Variants in VAV3 observed in about 807,000 individuals in gnomAD.
VAV3 encodes the protein guanine nucleotide exchange factor VAV3.
Under a neutral mutation model 131.2 loss-of-function variants are expected in VAV3, and 94 were observed. The observed-to-expected ratio is 0.72, with a 90% CI of 0.61 to 0.85. The LOEUF is 0.85. Among genes scored for constraint, VAV3 ranks in the 40% least tolerant of loss-of-function variants. The pLI, the probability that VAV3 is intolerant of heterozygous loss-of-function variation, is 0.00. For synonymous variants in VAV3, 349 were observed against 342.0 expected (o/e 1.02, Z -0.22); for missense variants, 939 against 1,002.7 (o/e 0.94, Z 0.86).
chr1:107,650,013 A>C (rs943033872), intron 19 of VAV3, among the ~76,000 whole-genome samples: 2 of 152,028 alleles, frequency 1.3e-5, no homozygotes, highest in African/African-American at 4.8e-5. Context: ...TGCTTTATTT[A>C]AGGGTAGGCC....
At chr1:107,918,893 G>C (rs1295518753) in intron 1 of VAV3, among the ~76,000 whole-genome samples, 1 of 151,576 alleles carries the variant, frequency 6.6e-6, no homozygotes, top group Admixed American at 6.6e-5. Flanking sequence ...TTTTAGTAGA[G>C]ACAGGGTTTC....
At chr1:107,739,402 C>G (rs1006524463) in intron 15 of VAV3, among the ~76,000 whole-genome samples, 8 of 152,110 alleles carry the variant, frequency 5.3e-5, no homozygotes, top group African/African-American at 1.7e-4. Flanking sequence ...AGTATAGTTC[C>G]CTATCCTGAC....
intron 2 of VAV3, among the ~76,000 whole-genome samples, chr1:107,812,962 A>G (rs1667389187): frequency 6.6e-6 from 1 of 151,986 alleles, no homozygotes; most frequent in South Asian, 2.1e-4. Flanking sequence ...TCTCTACTAA[A>G]AATACAAAAA....
At chr1:107,812,785 C>T (rs577108156) in intron 2 of VAV3, among the ~76,000 whole-genome samples, 2 of 152,096 alleles carry the variant, frequency 1.3e-5, no homozygotes, top group East Asian at 3.9e-4. Flanking sequence ...AAGGATTTGG[C>T]ATGGGGGTTG....
At chr1:107,881,605 C>T (rs1267943253) in intron 1 of VAV3, among the ~76,000 whole-genome samples, 2 of 152,196 alleles carry the variant, frequency 1.3e-5, no homozygotes, top group African/African-American at 2.4e-5. Flanking sequence ...CTCTCTCCCT[C>T]TTCAGAAGGG....
intron 1 of VAV3, among the ~76,000 whole-genome samples, chr1:107,919,723 G>C (rs1057446703): frequency 2.6e-5 from 4 of 151,942 alleles, no homozygotes; most frequent in Non-Finnish European, 5.9e-5. Flanking sequence ...GTTATATAAA[G>C]ACCTATAGAA....
intron 2 of VAV3, among the ~76,000 whole-genome samples, chr1:107,829,809 G>C (rs1337500094): frequency 6.6e-6 from 1 of 152,120 alleles, no homozygotes; most frequent in Non-Finnish European, 1.5e-5. Context: ...CATGTTCAAT[G>C]TCAAAAGAGA....
intron 17 of VAV3, among the ~76,000 whole-genome samples, chr1:107,693,425 C>T (rs1570764860): frequency 1.3e-5 from 2 of 152,200 alleles, no homozygotes; most frequent in East Asian, 3.9e-4. Context: ...CTGTCATAAT[C>T]ACATATTAAT....
chr1:107,648,892 G>A lies in VAV3; in HGVS notation c.1778-6137C>T, dbSNP rs537886920. Among the ~76,000 whole-genome samples, 4 of 152,092 alleles carry A rather than the reference G, an allele frequency of 2.6e-5. No individual in the cohort carries two copies. In the South Asian group the frequency reaches 8.3e-4, roughly 32 times the overall value. On this transcript the variant is annotated intron_variant, in intron 19 of 26. Transcript: ENST00000370056. ...GCTGATGTATGTTTCAGGATGATCT[G>A]AGTACCCGCCACATGTCTGGTGTTA...
At chr1:107,802,245 T>TA (rs113892002) in intron 2 of VAV3, among the ~76,000 whole-genome samples, 1 of 110,094 alleles carries the variant, frequency 9.1e-6, no homozygotes, top group African/African-American at 3.6e-5. Flanking sequence ...TCTAACAGGG[T>TA]TTTTTTTGTG....
intron 20 of VAV3, among the ~76,000 whole-genome samples, chr1:107,625,194 G>A (rs915612371): frequency 2.0e-5 from 3 of 151,350 alleles, no homozygotes; most frequent in African/African-American, 7.3e-5. Context: ...GTCATGGTTG[G>A]CCAAAAAACA....
At chr1:107,775,759 G>A (rs1206652880) in intron 4 of VAV3, among the ~76,000 whole-genome samples, 1 of 152,034 alleles carries the variant, frequency 6.6e-6, no homozygotes, top group African/African-American at 2.4e-5. Flanking sequence ...GATTTTAAGA[G>A]ATAAGAAACT....
chr1:107,875,956 T>C (rs1012668203), intron 1 of VAV3, among the ~76,000 whole-genome samples: 4 of 152,122 alleles, frequency 2.6e-5, no homozygotes, highest in Admixed American at 2.6e-4. Flanking sequence ...GAGTCTTTAG[T>C]GTACAGAGGA....
At chr1:107,856,586 G>A (rs1018331082) in intron 2 of VAV3, among the ~76,000 whole-genome samples, 9 of 151,922 alleles carry the variant, frequency 5.9e-5, no homozygotes, top group Admixed American at 2.6e-4. Context: ...GCCTATCAAA[G>A]TTATGATAAC....
intron 19 of VAV3, among the ~76,000 whole-genome samples, chr1:107,681,654 CTT>C (rs66909735): frequency 0.74 from 93,862 of 127,526 alleles, 33,781 homozygotes; most frequent in Middle Eastern, 0.87. Context: ...TAATGGAAAA[CTT>C]TTTTTTTTTT....
At chr1:107,832,399 C>A (rs995330366) in intron 2 of VAV3, among the ~76,000 whole-genome samples, 3 of 152,140 alleles carry the variant, frequency 2.0e-5, no homozygotes, top group Non-Finnish European at 4.4e-5. Context: ...GAAGAACCTT[C>A]GAAAATGTTT....
chr1:107,926,045 C>T (rs969082781), intron 1 of VAV3, among the ~76,000 whole-genome samples: 6 of 151,708 alleles, frequency 4.0e-5, no homozygotes, highest in Admixed American at 6.6e-5. Flanking sequence ...TTTGGGAAGC[C>T]GAGGCGGGCA....
In VAV3 at chr1:107,755,469, G is replaced by C. The variant is rs1557823883; in HGVS notation, c.1131C>G (p.Thr377=). 1.9e-6 allele frequency: 3 copies of C among 1,613,452 alleles called. No homozygotes were observed. The highest frequency in any genetic ancestry group is 1.7e-6 in the Non-Finnish European group (2 of 1,179,604). The change falls in exon 12 of 27, where the codon ACC becomes ACG. Residue 377 remains threonine (T), a synonymous_variant. Transcript: ENST00000370056. ...YVNEVKRDNE[T]LREIKQFQLS... The stretch of plus-strand genomic sequence containing the variant: ...GCTGAAACTGTTTAATTTCACGAAG[G>C]GTCTCATTATCTCTTTTCACTTCAT...
At chr1:107,752,067 ATACT>A (rs1557820624) in intron 12 of VAV3, among the ~76,000 whole-genome samples, 7 of 152,238 alleles carry the variant, frequency 4.6e-5, no homozygotes, top group Non-Finnish European at 7.3e-5. Flanking sequence ...TGGAAGTCTC[ATACT>A]TACTGACTTG....
Sources: gnomAD v4.1 joint callset for allele counts (sites outside exome capture counted in the v4.1 genomes callset) on GRCh38, gnomAD v4.1.1 for gene constraint, MANE v1.5 for transcripts, NCBI Gene and HGNC (gene_info 2026-07-23, HGNC 2026-07-21) for gene names.